The following FAT4 variants were observed in gnomAD, a reference collection of about 807,000 sequenced individuals.
The protein encoded by FAT4 is FAT atypical cadherin 4.
Under a neutral mutation model 303.9 loss-of-function variants are expected in FAT4, and 84 were observed. The ratio of observed to expected loss-of-function variants is 0.28; its 90% CI spans 0.23 to 0.33. The LOEUF is 0.33. Ranked by LOEUF, FAT4 falls within the 10% of genes least tolerant of loss-of-function variation. The pLI, the probability that FAT4 is intolerant of heterozygous loss-of-function variation, is 1.00. For missense variants in FAT4, 6,005 were observed against 6,146.8 expected (o/e 0.98, Z 0.77); for synonymous variants, 2,307 against 2,298.8 (o/e 1.00, Z -0.10).
At position 125,415,721 on chromosome 4, in the gene FAT4, A is replaced by T. The variant is rs751540218; in HGVS notation, c.6758A>T (p.Asn2253Ile). ...GTCAGCATTGTTCTACTGGATATTA[A>T]TGACTTTGTTCCTGTATTTGAGCTA... is the stretch of plus-strand genomic sequence containing the variant. The part of the protein sequence containing the change: ...STVSIVLLDI[N>I]DFVPVFELSP... The change falls in exon 6 of 18, where the codon AAT (asparagine) becomes ATT (isoleucine). Residue 2253 changes from asparagine to isoleucine, a missense_variant. Asn to Ile is a moderately radical substitution (Grantham distance 149). Coordinates refer to ENST00000394329, the MANE Select transcript of FAT4 (RefSeq NM_001291303.3). The T allele has an allele frequency of 6.2e-7, 1 of 1,614,002 alleles. No homozygotes were observed. The highest frequency in any genetic ancestry group is 8.5e-7 in the Non-Finnish European group (1 of 1,179,926).
At chr4:125,433,546 A>T (rs1281386684) in intron 7 of FAT4, among the ~76,000 whole-genome samples, 1 of 152,184 alleles carries the variant, frequency 6.6e-6, no homozygotes, top group Non-Finnish European at 1.5e-5. Context: ...AGTGTGGCCC[A>T]AGTGTTTGGC....
chr4:125,394,117 T>A, intron 2 of FAT4: 1 of 612,124 alleles, frequency 1.6e-6, no homozygotes, highest in Middle Eastern at 3.2e-4. Context: ...TTGGTAGGCA[T>A]GCAGAAAACA....
chr4:125,427,789 T>C (rs1204466967), intron 7 of FAT4, among the ~76,000 whole-genome samples: 1 of 152,186 alleles, frequency 6.6e-6, no homozygotes, highest in Non-Finnish European at 1.5e-5. Flanking sequence ...AATGGCTTTG[T>C]TGCAAAGCAA....
intron 4 of FAT4, 130 bp downstream of exon 4, chr4:125,407,271 G>T: frequency 1.2e-6 from 1 of 826,086 alleles, no homozygotes. Context: ...AAATATATAT[G>T]CTGGATTGTT....
rs1730583612 is a variant in FAT4, at chr4:125,316,334, C to G, written c.-12-66C>G. On this transcript the variant is annotated intron_variant, in intron 1 of 17. Transcript: ENST00000394329. The surrounding 1 kb of genome is among the most constrained non-coding windows in gnomAD (Gnocchi z 5.7). ...CGTCAGCTGAATCTTTGCTGGCGCT[C>G]CTTAATCCCTGTAAATATCATTGCG... The G allele has an allele frequency of 1.3e-6, 2 of 1,508,424 alleles. No individual in the cohort carries two copies. Among genetic ancestry groups the G allele is most frequent in the African/African-American group, 2.8e-5 (2 of 71,934 alleles). 93.4% of individuals were successfully genotyped at this position (1,508,424 alleles called of 1,614,324 possible).
chr4:125,489,395 A>T (rs1039039011), intron 17 of FAT4, among the ~76,000 whole-genome samples: 6 of 152,202 alleles, frequency 3.9e-5, no homozygotes, highest in Non-Finnish European at 7.4e-5. Context: ...CCATTGTAAT[A>T]GCTAAGATTT....
Position 125,408,492 on chromosome 4 carries a change from A to G in FAT4, c.5618A>G (p.Asn1873Ser). Residue 1873 changes from asparagine (N) to serine (S), a missense_variant, in exon 5 of 18, where the codon AAT becomes AGT. Asn to Ser is a conservative substitution (Grantham distance 46, BLOSUM62 1). Transcript: ENST00000394329. Reference protein sequence around the residue: ...ILATDDDSGVNGEITYIVNED... With the variant: ...ILATDDDSGVSGEITYIVNED... ...GCCACGGATGATGACTCTGGTGTGA[A>G]TGGAGAAATTACATATATTGTGAAT... 6.2e-7 allele frequency: 1 copy of G among 1,612,848 alleles called. No individual in the cohort carries two copies. Among genetic ancestry groups the G allele is most frequent in the South Asian group, 1.1e-5 (1 of 90,940 alleles).
rs1730902318 is a variant in FAT4 at position 125,320,697 on chromosome 4, T to C, written c.4286T>C (p.Ile1429Thr). The C allele has an allele frequency of 3.7e-6, 6 of 1,613,980 alleles. No individual in the cohort carries two copies. Among genetic ancestry groups the C allele is most frequent in the Non-Finnish European group, 5.1e-6 (6 of 1,179,922 alleles). ...CCTCCTGGAGATATTTTCAAGTCTA[T>C]TGTTGAGAACATTCCCATCGGTACA... ...SFPPGDIFKS[I>T]VENIPIGTSV... The change falls in exon 2 of 18, where the codon ATT (isoleucine) becomes ACT (threonine). Residue 1429 changes from isoleucine to threonine, a missense_variant. Physicochemically the swap from Ile to Thr is moderately conservative, Grantham distance 89. Coordinates refer to ENST00000394329, the MANE Select transcript of FAT4 (RefSeq NM_001291303.3).
At chr4:125,364,239 C>T (rs1333145667) in intron 2 of FAT4, among the ~76,000 whole-genome samples, 5 of 151,756 alleles carry the variant, frequency 3.3e-5, no homozygotes, top group African/African-American at 7.3e-5. Flanking sequence ...TTTTCAAATA[C>T]CTTTTCTTGG....
At chr4:125,343,171 A>T (rs1731863106) in intron 2 of FAT4, among the ~76,000 whole-genome samples, 1 of 152,094 alleles carries the variant, frequency 6.6e-6, no homozygotes, top group Admixed American at 6.6e-5. Flanking sequence ...TCCCATGTAA[A>T]TTGAGGTATG....
At chr4:125,426,376 C>T (rs1469777869) in intron 7 of FAT4, among the ~76,000 whole-genome samples, 3 of 151,982 alleles carry the variant, frequency 2.0e-5, no homozygotes, top group African/African-American at 7.2e-5. Flanking sequence ...AATTACCAGA[C>T]ATGAAATGCA....
Position 125,490,670 on chromosome 4 carries a change from G to C in FAT4, c.13854G>C (p.Glu4618Asp), listed in dbSNP as rs756775104. 15 of 1,614,136 alleles carry C rather than the reference G, an allele frequency of 9.3e-6. No homozygotes were observed. Among genetic ancestry groups the C allele is most frequent in the Non-Finnish European group, 1.2e-5 (14 of 1,180,030 alleles). Reference sequence around the variant, plus strand: ...CCCCTTTGGCATCTCCAGAGCAGGAGATAGAGCACTATGACATTGACAACG... The same window carrying C: ...CCCCTTTGGCATCTCCAGAGCAGGACATAGAGCACTATGACATTGACAACG... The part of the protein sequence containing the change: ...PSAPLASPEQ[E>D]IEHYDIDNAS... Residue 4618 changes from glutamate to aspartate, a missense_variant, in exon 18 of 18, where the codon GAG (glutamate) becomes GAC (aspartate). By Grantham distance (45) the Glu-to-Asp change is conservative. Coordinates refer to ENST00000394329, the MANE Select transcript of FAT4 (RefSeq NM_001291303.3).
chr4:125,464,615 C>T (rs12512906), intron 11 of FAT4, among the ~76,000 whole-genome samples: 17,245 of 151,926 alleles, frequency 0.11, 1,255 homozygotes, highest in East Asian at 0.27. Flanking sequence ...GTTTGCTGCA[C>T]CCATCAACTC....
chr4:125,383,728 T>C (rs955703369), intron 2 of FAT4, among the ~76,000 whole-genome samples: 2 of 152,152 alleles, frequency 1.3e-5, no homozygotes, highest in Non-Finnish European at 2.9e-5. Context: ...GTACGTGATA[T>C]TAAACCATAT....
chr4:125,385,917 C>G (rs1257614777), intron 2 of FAT4, among the ~76,000 whole-genome samples: 2 of 152,022 alleles, frequency 1.3e-5, no homozygotes, highest in Non-Finnish European at 2.9e-5. Context: ...AAATAGAAAA[C>G]AAATAGCCTT....
chr4:125,440,581 T>TTGTG lies in FAT4; in HGVS notation c.7200-5685_7200-5682dup, dbSNP rs768799104. Among the ~76,000 whole-genome samples the TTGTG allele has an allele frequency of 2.8e-3, 334 of 117,658 alleles. 12 individuals carry two copies. The highest frequency in any genetic ancestry group is 0.011 in the African/African-American group (308 of 26,996). 77.2% of individuals were successfully genotyped at this position (117,658 alleles called of 152,430 possible). ...TCTCACTGCATTATTTTCTCAGTACTTGTGTGTGTGTGTGTGTGTGTGTGT... is the reference window on the plus strand; with the variant it reads ...TCTCACTGCATTATTTTCTCAGTACTTGTGTGTGTGTGTGTGTGTGTGTGTGTGT... On this transcript the variant is annotated intron_variant, in intron 8 of 17. Transcript: ENST00000394329.
chr4:125,455,030 A>C (rs1032479559), intron 10 of FAT4, among the ~76,000 whole-genome samples: 3 of 152,190 alleles, frequency 2.0e-5, no homozygotes, highest in Non-Finnish European at 2.9e-5. Context: ...AAGATCATGA[A>C]TAATAGAGCT....
chr4:125,335,808 T>A (rs374607864), intron 2 of FAT4, among the ~76,000 whole-genome samples: 211 of 152,134 alleles, frequency 1.4e-3, no homozygotes, highest in African/African-American at 4.6e-3. Context: ...CTGTGTGACT[T>A]TAAGGGAGAA....
intron 2 of FAT4, among the ~76,000 whole-genome samples, chr4:125,397,670 G>T (rs1011342350): frequency 1.3e-5 from 2 of 151,962 alleles, no homozygotes; most frequent in African/African-American, 2.4e-5. Flanking sequence ...TCATTTATTT[G>T]TCTAGCTCTT....
Sources: gnomAD v4.1 joint callset for allele counts (sites outside exome capture counted in the v4.1 genomes callset) on GRCh38, gnomAD v4.1.1 for gene constraint, Gnocchi (gnomAD v3.1) non-coding constraint, MANE v1.5 for transcripts, NCBI Gene and HGNC (gene_info 2026-07-23, HGNC 2026-07-21) for gene names.